The following U2AF2 variants were observed in gnomAD, a reference collection of about 807,000 sequenced individuals.
U2AF2 encodes splicing factor U2AF 65 kDa subunit.
Under a neutral mutation model 52.6 loss-of-function variants are expected in U2AF2, and 6 were observed. The observed-to-expected ratio is 0.11, with a 90% CI of 0.06 to 0.23. The LOEUF (loss-of-function observed/expected upper bound fraction) is 0.23, where lower values mean the gene tolerates loss of function less well. Ranked by LOEUF, U2AF2 falls within the 10% of genes least tolerant of loss-of-function variation. The pLI is 1.00. For missense variants in U2AF2, 222 were observed against 677.1 expected (o/e 0.33, Z 7.46); for synonymous variants, 284 against 258.2 (o/e 1.10, Z -0.96).
chr19:55,669,816 C>T (rs1984774794), intron 11 of U2AF2, 124 bp downstream of exon 11: 4 of 1,368,390 alleles, frequency 2.9e-6, no homozygotes, highest in Non-Finnish European at 1.9e-6. Flanking sequence ...CTTTCTTCCT[C>T]TCTCTCTCCT....
Position 55,668,162 on chromosome 19 carries a change from C to T in U2AF2, c.743-345C>T, listed in dbSNP as rs1483780128. On this transcript the variant is annotated intron_variant, in intron 7 of 11. Transcript: ENST00000308924. This position sits in a 1 kb window ranked among gnomAD's most constrained non-coding sequence, Gnocchi z 5.5. ...TGTGTTGTGACTCACCAGTAGGTCC[C>T]GAGCCCAGGTGACCTGCCAGCATTC... is the stretch of plus-strand genomic sequence containing the variant. 4.6e-5 allele frequency among the ~76,000 whole-genome samples: 7 copies of T among 152,032 alleles called. No individual in the cohort carries two copies. The highest frequency in any genetic ancestry group is 2.1e-4 in the South Asian group (1 of 4,822).
intron 11 of U2AF2, among the ~76,000 whole-genome samples, chr19:55,670,143 C>T (rs1398901060): frequency 6.6e-6 from 1 of 152,026 alleles, no homozygotes; most frequent in Non-Finnish European, 1.5e-5. Context: ...CACCCTGAGC[C>T]CTCCCCGTAG....
chr19:55,669,644 C>G lies in U2AF2; in HGVS notation c.1245C>G (p.Ile415Met). The G allele has an allele frequency of 6.2e-7, 1 of 1,612,676 alleles. No individual in the cohort carries two copies. The highest frequency in any genetic ancestry group is 8.5e-7 in the Non-Finnish European group (1 of 1,179,714). ...GCAAGTACGGGCTTGTCAAGTCCAT[C>G]GAGATCCCCCGGCCTGTGGACGGCG... ...ECSKYGLVKSIEIPRPVDGVE... is the reference protein window; with the variant it reads ...ECSKYGLVKSMEIPRPVDGVE... The change falls in exon 11 of 12, where the codon ATC (isoleucine) becomes ATG (methionine). Residue 415 changes from isoleucine to methionine, a missense_variant. Transcript: ENST00000308924.
rs745379559 is a variant in U2AF2, at chr19:55,661,213, C to T, written c.486+24C>T. On this transcript the variant is annotated intron_variant, in intron 5 of 11. Transcript: ENST00000308924. ...AGGTACTGCCCTCCCCTGCCCCCTA[C>T]CCTCTCCCTTGTCCCTCTACCCCGT... 6.4e-6 allele frequency: 10 copies of T among 1,559,638 alleles called. No homozygotes were observed. The Admixed American group carries it at 1.2e-4, about 19-fold the overall frequency.
intron 6 of U2AF2, among the ~76,000 whole-genome samples, chr19:55,663,102 G>T (rs1984322217): frequency 6.6e-6 from 1 of 152,142 alleles, no homozygotes; most frequent in African/African-American, 2.4e-5. Context: ...TAACTCTCAT[G>T]AAGTATTGTG....
intron 7 of U2AF2, among the ~76,000 whole-genome samples, chr19:55,667,403 C>A (rs556510627): frequency 3.3e-5 from 5 of 152,246 alleles, no homozygotes; most frequent in Admixed American, 3.3e-4. Flanking sequence ...TGGTTGGTTA[C>A]CGGGGCCTGG....
At chr19:55,658,086 C>G in intron 1 of U2AF2, among the ~76,000 whole-genome samples, 1 of 152,172 alleles carries the variant, frequency 6.6e-6, no homozygotes, top group East Asian at 1.9e-4. Flanking sequence ...AAACGTGAGA[C>G]AAAACACTGT....
intron 7 of U2AF2, among the ~76,000 whole-genome samples, chr19:55,667,214 ATCT>A (rs933536011): frequency 7.9e-5 from 12 of 151,950 alleles, no homozygotes; most frequent in African/African-American, 2.9e-4. Context: ...GTGTGGGGGC[ATCT>A]CCCCTCCTTC....
In U2AF2 at chr19:55,668,305, C is replaced by T. The variant is rs1359742191; in HGVS notation, c.743-202C>T. 6.6e-6 allele frequency among the ~76,000 whole-genome samples: 1 copy of T among 152,080 alleles called. No individual in the cohort carries two copies. The highest frequency in any genetic ancestry group is 2.4e-5 in the African/African-American group (1 of 41,378). ...GATTTGGGAGACATGGTGCGTTCTC[C>T]CCGAGGAGCCTCTGTGTGCCACTGC... On this transcript the variant is annotated intron_variant, in intron 7 of 11. Transcript: ENST00000308924. The surrounding 1 kb of genome is among the most constrained non-coding windows in gnomAD (Gnocchi z 5.5).
At chr19:55,667,881 G>A (rs920634819) in intron 7 of U2AF2, among the ~76,000 whole-genome samples, 4 of 151,954 alleles carry the variant, frequency 2.6e-5, no homozygotes, top group African/African-American at 9.7e-5. Context: ...CGCCTCCTGG[G>A]TTCACGCCAT....
At chr19:55,655,377 C>A (rs1983715829) in intron 1 of U2AF2, among the ~76,000 whole-genome samples, 1 of 152,156 alleles carries the variant, frequency 6.6e-6, no homozygotes, top group Admixed American at 6.5e-5. Context: ...CGCATGCGCA[C>A]GGCGGCTGTC....
chr19:55,661,195 G>A lies in U2AF2; in HGVS notation c.486+6G>A, dbSNP rs374448527. On this transcript the variant is annotated splice_donor_region_variant and intron_variant, in intron 5 of 11. Transcript: ENST00000308924. ...TCCCCTTTGGCATCACTGAGGTACT[G>A]CCCTCCCCTGCCCCCTACCCTCTCC... 2.5e-6 allele frequency: 4 copies of A among 1,582,760 alleles called. No homozygotes were observed. The highest frequency in any genetic ancestry group is 1.7e-4 in the Middle Eastern group (1 of 5,732).
chr19:55,666,702 C>T (rs1419671062), intron 7 of U2AF2, among the ~76,000 whole-genome samples: 1 of 152,234 alleles, frequency 6.6e-6, no homozygotes, highest in African/African-American at 2.4e-5. Context: ...ATGGTACAAA[C>T]AAGACTTGAA....
At chr19:55,658,000 G>C (rs923299021) in intron 1 of U2AF2, among the ~76,000 whole-genome samples, 3 of 152,126 alleles carry the variant, frequency 2.0e-5, no homozygotes, top group African/African-American at 7.2e-5. Flanking sequence ...TTTTTTCCCT[G>C]CTGGGTGCAT....
At chr19:55,671,383 G>C (rs1984909773) in intron 11 of U2AF2, 1 of 66,292 alleles carries the variant, frequency 1.5e-5, no homozygotes, top group East Asian at 3.4e-4. Context: ...TGAGCACCTT[G>C]TCGGGGGTGA....
intron 6 of U2AF2, 96 bp from the exon 7 acceptor site, chr19:55,663,510 T>C (rs920728976): frequency 2.0e-6 from 3 of 1,520,340 alleles, no homozygotes; most frequent in Admixed American, 2.0e-5. Context: ...TTTGTTCACA[T>C]GAGTGAAAGG....
chr19:55,655,525 C>T (rs1164610930), intron 1 of U2AF2, among the ~76,000 whole-genome samples: 2 of 152,258 alleles, frequency 1.3e-5, no homozygotes, highest in African/African-American at 2.4e-5. Flanking sequence ...CCCGTAATCT[C>T]TTTTCTCCCG....
At chr19:55,660,968 G>C in intron 4 of U2AF2, 70 bp from the exon 5 acceptor site, 4 of 1,507,890 alleles carry the variant, frequency 2.7e-6, no homozygotes, top group Non-Finnish European at 3.6e-6. Context: ...GGAACTCCCA[G>C]TGTGTGGTGA....
intron 7 of U2AF2, among the ~76,000 whole-genome samples, chr19:55,666,695 G>A (rs1393094717): frequency 6.6e-6 from 1 of 152,192 alleles, no homozygotes; most frequent in Non-Finnish European, 1.5e-5. Context: ...GGCTCATATG[G>A]TACAAACAAG....
Sources: allele counts gnomAD v4.1 joint callset (sites outside exome capture counted in the v4.1 genomes callset), GRCh38; gene constraint gnomAD v4.1.1; non-coding constraint Gnocchi (gnomAD v3.1); transcripts MANE v1.5; gene names NCBI Gene and HGNC (gene_info 2026-07-23, HGNC 2026-07-21).